The following PDXDC1 variants were observed in gnomAD, a reference collection of about 807,000 sequenced individuals.
PDXDC1 encodes the protein pyridoxal dependent decarboxylase domain containing 1.
A neutral mutation model predicts 100.1 loss-of-function variants in PDXDC1; 42 were observed. The observed-to-expected ratio is 0.42, with a 90% CI of 0.33 to 0.54. The LOEUF (loss-of-function observed/expected upper bound fraction) is 0.54. Among genes scored for constraint, PDXDC1 ranks in the 20% least tolerant of loss-of-function variants. The probability of loss-of-function intolerance (pLI) is 0.10; values close to 1 mark genes in which losing one functional copy is unlikely to be tolerated. For synonymous variants in PDXDC1, 260 were observed against 371.7 expected, an observed-to-expected ratio of 0.70 and a Z score of 3.46; for missense variants, 636 against 979.2, an observed-to-expected ratio of 0.65 and a Z score of 4.68.
At chr16:15,098,256 A>T (rs1421486222) in intron 16 of PDXDC1, among the ~76,000 whole-genome samples, 1 of 149,650 alleles carries the variant, frequency 6.7e-6, no homozygotes, top group Non-Finnish European at 1.5e-5. Flanking sequence ...GCTGGGGTAC[A>T]GTGGCACAAG....
chr16:14,991,267 ATGTGTGTG>A (rs10642182), intron 1 of PDXDC1, among the ~76,000 whole-genome samples: 304 of 149,868 alleles, frequency 2.0e-3, no homozygotes, highest in Middle Eastern at 3.4e-3. Context: ...GTATATAGAT[ATGTGTGTG>A]TGTGTGTGTG....
At chr16:15,092,141 T>C (rs1434206278) in intron 16 of PDXDC1, among the ~76,000 whole-genome samples, 2 of 152,172 alleles carry the variant, frequency 1.3e-5, no homozygotes, top group Admixed American at 6.5e-5. Context: ...GTCACGCCAC[T>C]GCACTCCAGC....
chr16:15,048,173 C>A, intron 16 of PDXDC1: 8 of 1,039,684 alleles, frequency 7.7e-6, no homozygotes, highest in Non-Finnish European at 1.2e-5. Context: ...GTGGAGAGAG[C>A]CAAAGTGGGC....
chr16:15,057,159 C>T (rs982254931), intron 16 of PDXDC1, among the ~76,000 whole-genome samples: 1 of 152,110 alleles, frequency 6.6e-6, no homozygotes, highest in African/African-American at 2.4e-5. Flanking sequence ...CATAAATCTC[C>T]CCCTCAGCTT....
chr16:15,122,257 C>G (rs1346442637), intron 16 of PDXDC1, among the ~76,000 whole-genome samples: 3 of 150,796 alleles, frequency 2.0e-5, no homozygotes, highest in Non-Finnish European at 4.4e-5. Flanking sequence ...TTGTTAGAGA[C>G]AAGAGTGCAG....
chr16:14,992,955 G>A (rs1215185519), intron 1 of PDXDC1, among the ~76,000 whole-genome samples: 4 of 152,080 alleles, frequency 2.6e-5, no homozygotes, highest in African/African-American at 7.2e-5. Flanking sequence ...AGGCTCAAGC[G>A]ATCCTCCTAC....
chr16:15,100,813 A>C (rs965209518), intron 16 of PDXDC1, among the ~76,000 whole-genome samples: 2 of 152,090 alleles, frequency 1.3e-5, no homozygotes, highest in African/African-American at 4.8e-5. Context: ...TAGCCTAGGC[A>C]GATCTCTACA....
intron 16 of PDXDC1, chr16:15,048,138 TAGTG>T: frequency 7.1e-7 from 1 of 1,403,072 alleles, no homozygotes; most frequent in Non-Finnish European, 1.0e-6. Context: ...TGATGTAAAT[TAGTG>T]AGGATGGAAA....
downstream of PDXDC1, chr16:15,039,876 G>T: frequency 1.4e-6 from 1 of 719,966 alleles, no homozygotes; most frequent in Non-Finnish European, 2.4e-6. Context: ...GAAGCTGACA[G>T]CATAAACTTT....
intron 16 of PDXDC1, among the ~76,000 whole-genome samples, chr16:15,116,516 GA>G (rs1230798401): frequency 3.1e-5 from 4 of 130,906 alleles, no homozygotes; most frequent in Non-Finnish European, 4.9e-5. Flanking sequence ...CCAAGGTGGA[GA>G]TCATGAAAAT....
chr16:15,075,976 C>T (rs1220806410), intron 16 of PDXDC1, among the ~76,000 whole-genome samples: 1 of 152,180 alleles, frequency 6.6e-6, no homozygotes, highest in East Asian at 1.9e-4. Flanking sequence ...ATTGACAAGG[C>T]ATCAGAAAAG....
At chr16:15,110,468 G>C in intron 16 of PDXDC1, 1 of 1,587,254 alleles carries the variant, frequency 6.3e-7, no homozygotes, top group Non-Finnish European at 8.5e-7. Context: ...GTTGACTTTT[G>C]TTGTCACCTT....
At chr16:15,003,213 ATTCTTT>A (rs1973531367) in intron 4 of PDXDC1, among the ~76,000 whole-genome samples, 1 of 146,644 alleles carries the variant, frequency 6.8e-6, no homozygotes, top group Admixed American at 7.1e-5. Flanking sequence ...CTGAGATTTA[ATTCTTT>A]TTTTTTTTTT....
intron 16 of PDXDC1, chr16:15,131,442 G>C: frequency 6.2e-7 from 1 of 1,608,712 alleles, no homozygotes; most frequent in Non-Finnish European, 8.5e-7. Flanking sequence ...TGAAAGCCTA[G>C]GGGATGGAGA....
chr16:15,094,083 C>T (rs1342187498), intron 16 of PDXDC1: 3 of 1,434,956 alleles, frequency 2.1e-6, no homozygotes, highest in Non-Finnish European at 2.9e-6. Flanking sequence ...TCAATCCGCT[C>T]CTCTAAGCGC....
intron 16 of PDXDC1, chr16:15,109,303 T>C (rs1325778768): frequency 6.9e-6 from 1 of 145,662 alleles, no homozygotes; most frequent in Non-Finnish European, 1.5e-5. Context: ...GGTAGGCAGA[T>C]CACCTGAGGT....
chr16:15,149,874 G>A, the PDXDC1 span, among the ~76,000 whole-genome samples: 3 of 152,216 alleles, frequency 2.0e-5, no homozygotes, highest in African/African-American at 4.8e-5. Flanking sequence ...TGGGACAATG[G>A]GATGTCGGCT....
At chr16:15,023,421 A>G (rs1220260414) in intron 13 of PDXDC1, among the ~76,000 whole-genome samples, 2 of 152,296 alleles carry the variant, frequency 1.3e-5, no homozygotes, top group Non-Finnish European at 2.9e-5. Context: ...TCTGCAAGGT[A>G]TGCTTAAGTT....
At chr16:15,110,764 C>T (rs1404253418) in intron 16 of PDXDC1, 1 of 1,587,160 alleles carries the variant, frequency 6.3e-7, no homozygotes. Context: ...CTCTGCTGTA[C>T]ATCCGTGGAT....
Sources: gnomAD v4.1 joint callset for allele counts (sites outside exome capture counted in the v4.1 genomes callset) on GRCh38, gnomAD v4.1.1 for gene constraint, MANE v1.5 for transcripts, NCBI Gene and HGNC (gene_info 2026-07-23, HGNC 2026-07-21) for gene names.